SLC25A33: variants seen among roughly 807,000 people sequenced by gnomAD.
The protein encoded by SLC25A33 is bone marrow stromal cell mitochondrial carrier protein.
Under a neutral mutation model 35.5 loss-of-function variants are expected in SLC25A33, and 15 were observed. That is an observed-to-expected ratio of 0.42 (90% CI 0.28 to 0.65). The LOEUF is 0.65. Ranked by LOEUF, SLC25A33 falls within the 30% of genes least tolerant of loss-of-function variation. SLC25A33 has a pLI of 0.20. For synonymous variants in SLC25A33, 136 were observed against 148.7 expected (o/e 0.91, Z 0.62); for missense variants, 257 against 398.5 (o/e 0.64, Z 3.02).
At chr1:9,549,726 T>C (rs1643235684) in intron 1 of SLC25A33, among the ~76,000 whole-genome samples, 1 of 150,730 alleles carries the variant, frequency 6.6e-6, no homozygotes, top group African/African-American at 2.4e-5. Context: ...ATTCAAGGGA[T>C]TCTCCTGCCT....
At chr1:9,545,759 A>C (rs1643157716) in intron 1 of SLC25A33, among the ~76,000 whole-genome samples, 1 of 150,030 alleles carries the variant, frequency 6.7e-6, no homozygotes, top group Non-Finnish European at 1.5e-5. Flanking sequence ...CAGGAGTTCA[A>C]GACCAGCCTG....
intron 1 of SLC25A33, among the ~76,000 whole-genome samples, chr1:9,547,929 G>A (rs112225553): frequency 1.3e-5 from 2 of 151,748 alleles, no homozygotes; most frequent in African/African-American, 4.8e-5. Context: ...ACTGCTCACT[G>A]CAGCCTTGAC....
intron 1 of SLC25A33, among the ~76,000 whole-genome samples, chr1:9,550,673 T>C (rs939162743): frequency 1.3e-5 from 2 of 152,008 alleles, no homozygotes; most frequent in South Asian, 2.1e-4. Flanking sequence ...TATTAATTAA[T>C]TAATTAATTA....
chr1:9,581,920 T>G (rs960026492), intron 6 of SLC25A33, among the ~76,000 whole-genome samples: 3 of 151,942 alleles, frequency 2.0e-5, no homozygotes, highest in Non-Finnish European at 2.9e-5. Context: ...ACAATTTTAT[T>G]TTATTTATTT....
In SLC25A33 at chr1:9,550,867, A is replaced by G. The variant is rs61782982; in HGVS notation, c.57-2759A>G. 9.0e-3 allele frequency among the ~76,000 whole-genome samples: 1,360 copies of G among 151,878 alleles called. 24 individuals carry two copies. Among genetic ancestry groups the G allele is most frequent in the South Asian group, 0.052 (248 of 4,798 alleles). ...TTTAATGTGTATTCTTGGTAGAGAC[A>G]GGGTTTTGACCTGTTGGCCAGGCTG... On this transcript the variant is annotated intron_variant, in intron 1 of 6. Coordinates refer to ENST00000302692, the MANE Select transcript of SLC25A33 (RefSeq NM_032315.3).
chr1:9,546,642 T>C (rs1297786323), intron 1 of SLC25A33, among the ~76,000 whole-genome samples: 5 of 152,180 alleles, frequency 3.3e-5, no homozygotes, highest in Non-Finnish European at 7.3e-5. Flanking sequence ...TTAGTAAAAC[T>C]CTTTAATTGC....
chr1:9,561,678 C>T (rs1232793642), intron 2 of SLC25A33, among the ~76,000 whole-genome samples: 1 of 152,062 alleles, frequency 6.6e-6, no homozygotes, highest in African/African-American at 2.4e-5. Context: ...CTTGAGGACA[C>T]GAGTTCCCTA....
intron 6 of SLC25A33, among the ~76,000 whole-genome samples, chr1:9,581,981 T>C (rs1381688303): frequency 2.0e-5 from 3 of 152,144 alleles, no homozygotes; most frequent in Non-Finnish European, 4.4e-5. Flanking sequence ...TGGAGTGTAG[T>C]GGCACGATCC....
rs1314749490 is a variant in SLC25A33 at position 9,549,996 on chromosome 1, C to CATATATATATAT, written c.57-3625_57-3614dup. On this transcript the variant is annotated intron_variant, in intron 1 of 6. Transcript: ENST00000302692. ...TATATGTATATATATTTTTTCTATA[C>CATATATATATAT]ATATATATATATATATTTTTTTTTT... is the stretch of plus-strand genomic sequence containing the variant. 4.1e-3 allele frequency among the ~76,000 whole-genome samples: 296 copies of CATATATATATAT among 72,026 alleles called. 11 individuals carry two copies. Among genetic ancestry groups the CATATATATATAT allele is most frequent in the African/African-American group, 0.019 (287 of 14,740 alleles). The allele number at this position is 72,026 out of a possible 152,430, so 47.3% of individuals were successfully genotyped here. A position where few individuals can be genotyped will look rare whatever the true frequency, so the allele number is the denominator to read the frequency against.
intron 3 of SLC25A33, among the ~76,000 whole-genome samples, chr1:9,568,171 G>A (rs1643537182): frequency 6.6e-6 from 1 of 152,238 alleles, no homozygotes; most frequent in Admixed American, 6.5e-5. Flanking sequence ...GCCGGCTGTG[G>A]TGGCTCACCT....
At chr1:9,573,281 A>G in intron 4 of SLC25A33, 65 bp from the exon 5 acceptor site, 2 of 1,173,848 alleles carry the variant, frequency 1.7e-6, no homozygotes, top group African/African-American at 3.1e-5. Context: ...TTATATGATA[A>G]TAGACATCTT....
intron 2 of SLC25A33, among the ~76,000 whole-genome samples, chr1:9,562,720 G>A (rs1031622324): frequency 1.3e-5 from 2 of 151,314 alleles, no homozygotes; most frequent in Non-Finnish European, 3.0e-5. Context: ...TGGGCGTAGT[G>A]GCGGGTGCCT....
chr1:9,553,908 A>G, intron 2 of SLC25A33, 103 bp downstream of exon 2: 1 of 1,270,824 alleles, frequency 7.9e-7, no homozygotes, highest in South Asian at 1.5e-5. Flanking sequence ...CTGTTTGCAT[A>G]GCCTTGGTCC....
chr1:9,576,593 G>A (rs762226001), intron 5 of SLC25A33: 23 of 572,176 alleles, frequency 4.0e-5, no homozygotes, highest in Non-Finnish European at 7.2e-5. Context: ...GCCACACGGT[G>A]GGGTAACAGA....
Position 9,567,304 on chromosome 1 carries a change from G to A in SLC25A33, c.257G>A (p.Gly86Glu), listed in dbSNP as rs1447344449. The A allele has an allele frequency of 1.2e-6, 2 of 1,613,806 alleles. No individual in the cohort carries two copies. Among genetic ancestry groups the A allele is most frequent in the Admixed American group, 1.7e-5 (1 of 59,968 alleles). ...TTCAGGTCGATCTTGGAGAAAGAGG[G>A]ACCAAAGTCACTTTTTAGAGGCTTG... Reference protein sequence around the residue: ...QVLKSILEKEGPKSLFRGLGP... With the variant: ...QVLKSILEKEEPKSLFRGLGP... The change falls in exon 3 of 7, where the codon GGA becomes GAA. Residue 86 changes from glycine (G) to glutamate (E), a missense_variant. Physicochemically the swap from Gly to Glu is moderately conservative, Grantham distance 98. Coordinates refer to ENST00000302692, the MANE Select transcript of SLC25A33 (RefSeq NM_032315.3).
intron 5 of SLC25A33, among the ~76,000 whole-genome samples, chr1:9,573,995 T>G (rs1028877245): frequency 1.4e-4 from 22 of 152,094 alleles, no homozygotes; most frequent in African/African-American, 5.1e-4. Flanking sequence ...TGTTGTTGTT[T>G]TGTTTTTTTG....
intron 1 of SLC25A33, among the ~76,000 whole-genome samples, chr1:9,547,411 G>C (rs536798354): frequency 1.2e-4 from 18 of 151,586 alleles, no homozygotes; most frequent in Admixed American, 1.2e-3. Flanking sequence ...CTGAGATTGC[G>C]CCAGCCTGGG....
intron 2 of SLC25A33, 63 bp from the exon 3 acceptor site, chr1:9,567,221 T>C: frequency 7.3e-7 from 1 of 1,376,434 alleles, no homozygotes; most frequent in Non-Finnish European, 1.0e-6. Context: ...AGGTTGACTC[T>C]TTATCATTTT....
intron 6 of SLC25A33, among the ~76,000 whole-genome samples, chr1:9,580,517 T>C (rs555825459): frequency 5.8e-4 from 89 of 152,344 alleles, no homozygotes; most frequent in African/African-American, 1.9e-3. Flanking sequence ...AAAATCTGGA[T>C]TGTATTTAAT....
Sources: allele counts gnomAD v4.1 joint callset (sites outside exome capture counted in the v4.1 genomes callset), GRCh38; gene constraint gnomAD v4.1.1; transcripts MANE v1.5; gene names NCBI Gene and HGNC (gene_info 2026-07-23, HGNC 2026-07-21).